Variants in EPHA5 observed in about 807,000 individuals in gnomAD.
EPHA5 encodes ephrin type-A receptor 5.
Under a neutral mutation model 105.0 loss-of-function variants are expected in EPHA5, and 60 were observed. The ratio of observed to expected loss-of-function variants is 0.57; its 90% CI spans 0.46 to 0.71. The LOEUF is 0.71. Ranked by LOEUF, EPHA5 falls within the 30% of genes least tolerant of loss-of-function variation. EPHA5 has a pLI of 0.00. For missense variants in EPHA5, 1,218 were observed against 1,274.7 expected (o/e 0.96, Z 0.68); for synonymous variants, 513 against 449.1 (o/e 1.14, Z -1.80).
chr4:65,372,410 A>C (rs1349173570), intron 8 of EPHA5, among the ~76,000 whole-genome samples: 1 of 151,890 alleles, frequency 6.6e-6, no homozygotes, highest in Non-Finnish European at 1.5e-5. Context: ...GCACATGAAT[A>C]GTACTAAAAT....
At chr4:65,551,133 A>T (rs1222287546) in intron 3 of EPHA5, among the ~76,000 whole-genome samples, 1 of 151,008 alleles carries the variant, frequency 6.6e-6, no homozygotes, top group African/African-American at 2.4e-5. Flanking sequence ...ACATATATAA[A>T]TGATGATAAA....
At chr4:65,352,640 C>T (rs949389300) in intron 12 of EPHA5, among the ~76,000 whole-genome samples, 1 of 151,886 alleles carries the variant, frequency 6.6e-6, no homozygotes, top group Non-Finnish European at 1.5e-5. Context: ...AATGACTTGC[C>T]TGGGCTATTT....
In EPHA5 at chr4:65,351,410, G is replaced by A. The variant is rs139853168; in HGVS notation, c.2424C>T (p.Pro808=). The change falls in exon 13 of 17, where the codon CCC becomes CCT. Residue 808 remains proline, a synonymous_variant. Coordinates refer to ENST00000613740, the MANE Select transcript of EPHA5 (RefSeq NM_001281766.3). Reference sequence around the variant, plus strand: ...TTACCCTTGTGGTGTAGGCTGCCTCGGGATCATCTTCCAGTACCCGGGAAA... The same window carrying A: ...TTACCCTTGTGGTGTAGGCTGCCTCAGGATCATCTTCCAGTACCCGGGAAA... ...FGLSRVLEDD[P]EAAYTTRGGK... is the part of the protein sequence containing the mutation. 2.0e-5 allele frequency: 33 copies of A among 1,613,462 alleles called. No individual in the cohort carries two copies. The African/African-American group carries it at 2.4e-4, about 12-fold the overall frequency.
intron 13 of EPHA5, among the ~76,000 whole-genome samples, chr4:65,348,617 C>T (rs557627201): frequency 7.0e-6 from 1 of 142,768 alleles, no homozygotes; most frequent in Admixed American, 7.2e-5. Context: ...GAATGTGACC[C>T]TGAGCTGTTT....
chr4:65,627,642 C>T (rs1380982547), intron 2 of EPHA5, among the ~76,000 whole-genome samples: 3 of 152,126 alleles, frequency 2.0e-5, no homozygotes, highest in Non-Finnish European at 2.9e-5. Flanking sequence ...CTCATGATAG[C>T]ATTGCCATTT....
intron 3 of EPHA5, among the ~76,000 whole-genome samples, chr4:65,496,662 C>A (rs1476055335): frequency 6.6e-6 from 1 of 151,758 alleles, no homozygotes; most frequent in East Asian, 1.9e-4. Flanking sequence ...CAAGTCTTTG[C>A]TATTGTGAAT....
chr4:65,335,974 C>T lies in EPHA5; in HGVS notation c.2747G>A (p.Arg916His), dbSNP rs753118521. Residue 916 changes from arginine (R) to histidine (H), a missense_variant, in exon 15 of 17, where the codon CGT (arginine) becomes CAT (histidine). By Grantham distance (29) the Arg-to-His change is conservative. Transcript: ENST00000613740. The part of the protein sequence containing the change: ...EIVNMLDKLI[R>H]NPSSLKTLVN... ...CAGCGTCTTCAGACTACTTGGGTTA[C>T]GTATCAGCTTGTCCAACATGTTGAC... 24 of 1,612,614 alleles carry T rather than the reference C, an allele frequency of 1.5e-5. No homozygotes were observed. Among genetic ancestry groups the T allele is most frequent in the Middle Eastern group, 1.6e-4 (1 of 6,076 alleles).
intron 3 of EPHA5, among the ~76,000 whole-genome samples, chr4:65,532,513 C>T (rs1447576666): frequency 3.3e-5 from 5 of 151,508 alleles, no homozygotes; most frequent in African/African-American, 1.2e-4. Context: ...TTATGTTTTC[C>T]ATTAGCTTCA....
chr4:65,633,038 G>T (rs1207831871), intron 2 of EPHA5, among the ~76,000 whole-genome samples: 1 of 151,936 alleles, frequency 6.6e-6, no homozygotes, highest in African/African-American at 2.4e-5. Flanking sequence ...CAATGGCTAG[G>T]CTCCAAAGGA....
intron 8 of EPHA5, among the ~76,000 whole-genome samples, chr4:65,399,748 G>C (rs1021736210): frequency 6.6e-6 from 1 of 152,134 alleles, no homozygotes; most frequent in Non-Finnish European, 1.5e-5. Flanking sequence ...AATACAAAAA[G>C]TGAAGCTCTG....
intron 5 of EPHA5, among the ~76,000 whole-genome samples, chr4:65,449,552 A>G (rs1239484787): frequency 6.6e-6 from 1 of 152,192 alleles, no homozygotes. Context: ...AGAATGGACA[A>G]ACTGTCGTAT....
At chr4:65,333,337 T>C (rs531087634) in intron 15 of EPHA5, among the ~76,000 whole-genome samples, 1 of 151,794 alleles carries the variant, frequency 6.6e-6, no homozygotes, top group African/African-American at 2.4e-5. Flanking sequence ...AAAACCAATT[T>C]TATAAAAATT....
intron 3 of EPHA5, among the ~76,000 whole-genome samples, chr4:65,505,889 G>A (rs567543264): frequency 6.6e-6 from 1 of 152,086 alleles, no homozygotes; most frequent in Non-Finnish European, 1.5e-5. Context: ...TAGGGTACAT[G>A]TGCACAACGT....
chr4:65,606,947 C>T (rs554513381), intron 2 of EPHA5, among the ~76,000 whole-genome samples: 13 of 152,230 alleles, frequency 8.5e-5, no homozygotes, highest in African/African-American at 2.6e-4. Context: ...ACCTAACTGC[C>T]TCTTTAAATA....
intron 5 of EPHA5, among the ~76,000 whole-genome samples, chr4:65,483,404 T>C (rs908347220): frequency 6.6e-6 from 1 of 152,150 alleles, no homozygotes; most frequent in Non-Finnish European, 1.5e-5. Context: ...TCAAATGGTA[T>C]TTCTAGTTTT....
intron 16 of EPHA5, chr4:65,330,668 A>G (rs1720524476): frequency 4.1e-6 from 3 of 731,384 alleles, no homozygotes; most frequent in Non-Finnish European, 5.1e-6. Context: ...ATAAATTAAA[A>G]TGACCATTTT....
chr4:65,435,413 A>G (rs917325987), intron 5 of EPHA5, among the ~76,000 whole-genome samples: 1 of 152,126 alleles, frequency 6.6e-6, no homozygotes, highest in African/African-American at 2.4e-5. Flanking sequence ...TGGTTTTTTC[A>G]TCTTCAAAGG....
At chr4:65,569,205 T>A (rs943406398) in intron 3 of EPHA5, among the ~76,000 whole-genome samples, 3 of 151,568 alleles carry the variant, frequency 2.0e-5, no homozygotes, top group African/African-American at 7.2e-5. Context: ...GCTTTTTAAG[T>A]TGTTTAACCC....
rs548475470 is a variant in EPHA5 at position 65,413,984 on chromosome 4, T to C, written c.1687+300A>G. 5.3e-5 allele frequency among the ~76,000 whole-genome samples: 8 copies of C among 152,304 alleles called. No homozygotes were observed. In the South Asian group the frequency reaches 1.7e-3, roughly 32 times the overall value. ...CGACTAAAAAAGTAAATGGGAATAATTCAATAAAGTATGGCAGCAGTAGAA... is the reference window on the plus strand; with the variant it reads ...CGACTAAAAAAGTAAATGGGAATAACTCAATAAAGTATGGCAGCAGTAGAA... On this transcript the variant is annotated intron_variant, in intron 7 of 16. Coordinates refer to ENST00000613740, the MANE Select transcript of EPHA5 (RefSeq NM_001281766.3).
Sources: gnomAD v4.1 joint callset for allele counts (sites outside exome capture counted in the v4.1 genomes callset) on GRCh38, gnomAD v4.1.1 for gene constraint, MANE v1.5 for transcripts, NCBI Gene and HGNC (gene_info 2026-07-23, HGNC 2026-07-21) for gene names.